The following GTF2B variants were observed in gnomAD, a reference collection of about 807,000 sequenced individuals.
The protein encoded by GTF2B is transcription initiation factor IIB.
A neutral mutation model predicts 34.6 loss-of-function variants in GTF2B; 20 were observed. The observed-to-expected ratio is 0.58, with a 90% CI of 0.41 to 0.84. GTF2B has a LOEUF of 0.84. Among genes scored for constraint, GTF2B ranks in the 40% least tolerant of loss-of-function variants. The pLI is 0.00. For synonymous variants in GTF2B, 142 were observed against 132.4 expected, an observed-to-expected ratio of 1.07 and a Z score of -0.50; for missense variants, 237 against 393.3, an observed-to-expected ratio of 0.60 and a Z score of 3.36.
Position 88,879,379 on chromosome 1 carries a change from T to C in GTF2B, c.124+7882A>G, listed in dbSNP as rs111687424. Among the ~76,000 whole-genome samples, 698 of 151,702 alleles carry C rather than the reference T, an allele frequency of 4.6e-3. 2 individuals carry two copies. Among genetic ancestry groups the C allele is most frequent in the African/African-American group, 0.016 (657 of 41,384 alleles). On this transcript the variant is annotated intron_variant, in intron 2 of 6. Transcript: ENST00000370500. Reference sequence around the variant, plus strand: ...AGACCACCTGAGGTTAGGAGTTCGATACCAGCCCAGCCGACATGGTGAAAC... The same window carrying C: ...AGACCACCTGAGGTTAGGAGTTCGACACCAGCCCAGCCGACATGGTGAAAC...
At chr1:88,879,831 G>A (rs1033837768) in intron 2 of GTF2B, among the ~76,000 whole-genome samples, 2 of 151,544 alleles carry the variant, frequency 1.3e-5, no homozygotes, top group African/African-American at 4.8e-5. Flanking sequence ...CGAGGCGGGT[G>A]GATCACCTGA....
rs1673380141 is a variant in GTF2B, at chr1:88,859,043, T to C, written c.535+839A>G. 2.0e-5 allele frequency among the ~76,000 whole-genome samples: 3 copies of C among 152,124 alleles called. No homozygotes were observed. In the South Asian group the frequency reaches 6.2e-4, roughly 32 times the overall value. On this transcript the variant is annotated intron_variant, in intron 5 of 6. Transcript: ENST00000370500. ...CCACCACGCCTGGCTAATTTTTGTA[T>C]TTTTAGTAGAGACGGGGTTTCACCA... is the stretch of plus-strand genomic sequence containing the variant.
chr1:88,873,670 T>C (rs1673750215), intron 2 of GTF2B, among the ~76,000 whole-genome samples: 1 of 152,244 alleles, frequency 6.6e-6, no homozygotes. Flanking sequence ...TTATCCTTAC[T>C]ATGGCTTGCA....
At chr1:88,860,038 C>T (rs1673398967) in intron 4 of GTF2B, 27 bp from the exon 5 acceptor site, 2 of 1,611,956 alleles carry the variant, frequency 1.2e-6, no homozygotes, top group African/African-American at 2.7e-5. Context: ...CTAAGTTTAA[C>T]TCTACGTCAT....
intron 2 of GTF2B, among the ~76,000 whole-genome samples, chr1:88,878,673 T>A (rs966210539): frequency 6.6e-6 from 1 of 152,198 alleles, no homozygotes; most frequent in Non-Finnish European, 1.5e-5. Flanking sequence ...CTCAGGTGGG[T>A]CCTATCATGG....
intron 2 of GTF2B, among the ~76,000 whole-genome samples, chr1:88,880,757 A>G (rs1162931439): frequency 6.6e-6 from 1 of 152,156 alleles, no homozygotes; most frequent in Non-Finnish European, 1.5e-5. Context: ...CTGTAATCCC[A>G]GTACTTTGGG....
chr1:88,859,765 G>T (rs1673393676), intron 5 of GTF2B, 117 bp downstream of exon 5: 1 of 793,754 alleles, frequency 1.3e-6, no homozygotes, highest in East Asian at 2.5e-5. Context: ...GAACCTGGGA[G>T]GCAGAGGTTG....
At chr1:88,881,993 A>G (rs1165226557) in intron 2 of GTF2B, among the ~76,000 whole-genome samples, 1 of 152,096 alleles carries the variant, frequency 6.6e-6, no homozygotes, top group Admixed American at 6.6e-5. Flanking sequence ...GAAGGCTGAA[A>G]ATATAATGGG....
At chr1:88,855,883 C>T (rs1673292423) in intron 6 of GTF2B, among the ~76,000 whole-genome samples, 1 of 152,188 alleles carries the variant, frequency 6.6e-6, no homozygotes, top group African/African-American at 2.4e-5. Flanking sequence ...GGTCACCGCA[C>T]CTAGTTTATG....
At chr1:88,888,413 G>C (rs773803366) in intron 1 of GTF2B, among the ~76,000 whole-genome samples, 1 of 152,086 alleles carries the variant, frequency 6.6e-6, no homozygotes, top group East Asian at 1.9e-4. Context: ...TTCTCATTGG[G>C]AACACGGGGG....
At chr1:88,888,550 A>C (rs1009598196) in intron 1 of GTF2B, among the ~76,000 whole-genome samples, 1 of 152,238 alleles carries the variant, frequency 6.6e-6, no homozygotes, top group African/African-American at 2.4e-5. Flanking sequence ...AATAAAGGAA[A>C]ATGTTAGCAG....
At chr1:88,858,288 C>T (rs1470382543) in intron 5 of GTF2B, among the ~76,000 whole-genome samples, 1 of 152,158 alleles carries the variant, frequency 6.6e-6, no homozygotes, top group African/African-American at 2.4e-5. Flanking sequence ...TGTGAGCCAT[C>T]GTGCCTGGCT....
At chr1:88,891,151 GA>G (rs1557664238) in intron 1 of GTF2B, among the ~76,000 whole-genome samples, 15 of 126,174 alleles carry the variant, frequency 1.2e-4, no homozygotes, top group East Asian at 2.5e-4. Flanking sequence ...GGAGAGGAGG[GA>G]GGGTGGGAAG....
At chr1:88,868,484 C>A (rs1673608090) in intron 2 of GTF2B, among the ~76,000 whole-genome samples, 1 of 151,562 alleles carries the variant, frequency 6.6e-6, no homozygotes, top group African/African-American at 2.4e-5. Context: ...GTAAACGCAC[C>A]CAATATGTGT....
chr1:88,853,455 C>T (rs1481430539), intron 6 of GTF2B, 109 bp from the exon 7 acceptor site: 1 of 968,078 alleles, frequency 1.0e-6, no homozygotes, highest in Non-Finnish European at 1.6e-6. Flanking sequence ...AACTTAAAAA[C>T]AAAACCAGAA....
chr1:88,879,325 T>A (rs947454550), intron 2 of GTF2B, among the ~76,000 whole-genome samples: 1 of 152,120 alleles, frequency 6.6e-6, no homozygotes, highest in African/African-American at 2.4e-5. Flanking sequence ...GTGCCTGTAA[T>A]CCCAGCACTT....
intron 6 of GTF2B, 109 bp downstream of exon 6, chr1:88,857,096 TG>T: frequency 1.0e-6 from 1 of 992,292 alleles, no homozygotes; most frequent in Non-Finnish European, 1.5e-6. Flanking sequence ...CCCCCGCGCC[TG>T]GTCAAATGTG....
intron 6 of GTF2B, among the ~76,000 whole-genome samples, chr1:88,855,681 CCTCACTCCATCAA>C (rs1325380213): frequency 6.6e-6 from 1 of 151,916 alleles, no homozygotes; most frequent in East Asian, 1.9e-4. Context: ...TGAAAAAGAG[CCTCACTCCATCAA>C]CCCAGGCTGG....
intron 1 of GTF2B, among the ~76,000 whole-genome samples, chr1:88,889,748 G>A (rs186951761): frequency 6.6e-6 from 1 of 152,360 alleles, no homozygotes; most frequent in Non-Finnish European, 1.5e-5. Context: ...GCTGGGCGCA[G>A]TGGCTCATGC....
Sources: allele counts gnomAD v4.1 joint callset (sites outside exome capture counted in the v4.1 genomes callset), GRCh38; gene constraint gnomAD v4.1.1; transcripts MANE v1.5; gene names NCBI Gene and HGNC (gene_info 2026-07-23, HGNC 2026-07-21).